WDFY2: variants seen among roughly 807,000 people sequenced by gnomAD.
WDFY2 encodes WD repeat and FYVE domain containing 2, also known as WD repeat and FYVE domain-containing protein 2.
A neutral mutation model predicts 56.4 loss-of-function variants in WDFY2; 36 were observed. The observed-to-expected ratio is 0.64, with a 90% CI of 0.49 to 0.84. The LOEUF is 0.84. Ranked by LOEUF, WDFY2 falls within the 40% of genes least tolerant of loss-of-function variation. The probability of loss-of-function intolerance (pLI) is 0.00; values close to 1 mark genes in which losing one functional copy is unlikely to be tolerated. For missense variants in WDFY2, 444 were observed against 512.2 expected (o/e 0.87, Z 1.29); for synonymous variants, 176 against 183.7 (o/e 0.96, Z 0.34).
intron 1 of WDFY2, among the ~76,000 whole-genome samples, chr13:51,624,608 T>C (rs1159979193): frequency 1.3e-5 from 2 of 152,226 alleles, no homozygotes; most frequent in Non-Finnish European, 2.9e-5. Context: ...ATGATCATGA[T>C]TGATAAGCCT....
intron 4 of WDFY2, among the ~76,000 whole-genome samples, chr13:51,711,779 G>A (rs1000232837): frequency 3.9e-5 from 6 of 152,188 alleles, no homozygotes; most frequent in Non-Finnish European, 8.8e-5. Flanking sequence ...TCATTAAAAA[G>A]TCAGGAAACA....
At chr13:51,756,262 G>A (rs1219529575) in intron 9 of WDFY2, 70 bp from the exon 10 acceptor site, 2 of 1,548,800 alleles carry the variant, frequency 1.3e-6, no homozygotes, top group African/African-American at 2.7e-5. Context: ...TCTGCCAGGA[G>A]GGGTGAGATG....
chr13:51,749,736 G>A (rs779968404), intron 7 of WDFY2, among the ~76,000 whole-genome samples: 2 of 152,038 alleles, frequency 1.3e-5, no homozygotes, highest in African/African-American at 2.4e-5. Flanking sequence ...CAAAGTCACA[G>A]TATTCTAACT....
intron 1 of WDFY2, among the ~76,000 whole-genome samples, chr13:51,598,244 C>T (rs1049517556): frequency 6.6e-6 from 1 of 152,040 alleles, no homozygotes; most frequent in Non-Finnish European, 1.5e-5. Context: ...CCTGTAATCC[C>T]AGCTACTCGG....
intron 1 of WDFY2, among the ~76,000 whole-genome samples, chr13:51,620,831 C>T (rs554473345): frequency 1.2e-4 from 19 of 152,240 alleles, no homozygotes; most frequent in Middle Eastern, 3.4e-3. Flanking sequence ...TTCTCTCACC[C>T]GGTCAGCACT....
intron 1 of WDFY2, among the ~76,000 whole-genome samples, chr13:51,596,402 G>A (rs1325361381): frequency 6.6e-6 from 1 of 152,146 alleles, no homozygotes; most frequent in Non-Finnish European, 1.5e-5. Flanking sequence ...GGAAATTTCT[G>A]TCACATCAGA....
chr13:51,713,641 G>A (rs1952275177), intron 4 of WDFY2, among the ~76,000 whole-genome samples: 1 of 152,094 alleles, frequency 6.6e-6, no homozygotes, highest in South Asian at 2.1e-4. Flanking sequence ...AGGAGGCCAA[G>A]GCGGGTGGAT....
At chr13:51,620,783 A>C (rs1436291678) in intron 1 of WDFY2, among the ~76,000 whole-genome samples, 1 of 152,128 alleles carries the variant, frequency 6.6e-6, no homozygotes, top group Non-Finnish European at 1.5e-5. Context: ...CCAGAATCCT[A>C]AATGGGAAGT....
intron 1 of WDFY2, among the ~76,000 whole-genome samples, chr13:51,598,985 T>C (rs1208389160): frequency 6.7e-6 from 1 of 149,128 alleles, no homozygotes; most frequent in Non-Finnish European, 1.5e-5. Context: ...CTCGTCTCAC[T>C]GCAACCTCCG....
chr13:51,626,672 A>G (rs1043711889), intron 1 of WDFY2, among the ~76,000 whole-genome samples: 3 of 152,244 alleles, frequency 2.0e-5, no homozygotes, highest in African/African-American at 4.8e-5. Flanking sequence ...TTTGTTTACT[A>G]TTTGGTGTTT....
chr13:51,604,144 T>C (rs1484467625), intron 1 of WDFY2, among the ~76,000 whole-genome samples: 1 of 152,178 alleles, frequency 6.6e-6, no homozygotes, highest in African/African-American at 2.4e-5. Flanking sequence ...GGACCAAGCA[T>C]AGTATTAATG....
At chr13:51,616,097 C>T (rs983483799) in intron 1 of WDFY2, among the ~76,000 whole-genome samples, 13 of 152,136 alleles carry the variant, frequency 8.5e-5, no homozygotes, top group Admixed American at 4.6e-4. Context: ...ATTAGTCGAG[C>T]TCAGTAGTGC....
chr13:51,664,992 T>G (rs909771883), intron 2 of WDFY2, among the ~76,000 whole-genome samples: 1 of 152,240 alleles, frequency 6.6e-6, no homozygotes, highest in Non-Finnish European at 1.5e-5. Context: ...GTTCCTGTCT[T>G]TGCAGTGTTT....
chr13:51,748,161 T>C (rs1467455718), intron 7 of WDFY2, among the ~76,000 whole-genome samples: 3 of 151,856 alleles, frequency 2.0e-5, no homozygotes, highest in Non-Finnish European at 4.4e-5. Flanking sequence ...CAACGCCCCC[T>C]CCCCCGACTG....
At position 51,764,667 on chromosome 13, in the gene WDFY2, A is replaced by G. The variant is rs1214081766; in HGVS notation, c.*4898A>G. 3 of 152,220 alleles carry G rather than the reference A, an allele frequency of 2.0e-5. No individual in the cohort carries two copies. The highest frequency in any genetic ancestry group is 2.9e-5 in the Non-Finnish European group (2 of 68,058). The allele number at this position is 152,220 out of a possible 1,614,324, so 9.4% of individuals were successfully genotyped here. ...TCCTCCTGCAGCCAATGCTACTATT[A>G]GTTTATATTATAATAGTATCAGTTT... On this transcript the variant is annotated 3_prime_UTR_variant, in exon 12 of 12. Transcript: ENST00000298125.
intron 5 of WDFY2, among the ~76,000 whole-genome samples, chr13:51,726,011 C>T (rs1001636445): frequency 5.9e-5 from 9 of 152,256 alleles, no homozygotes; most frequent in Non-Finnish European, 1.0e-4. Context: ...AAAGATTTTA[C>T]AAAATTCTAA....
At chr13:51,692,173 A>C (rs1350228814) in intron 3 of WDFY2, among the ~76,000 whole-genome samples, 1 of 152,196 alleles carries the variant, frequency 6.6e-6, no homozygotes, top group East Asian at 1.9e-4. Flanking sequence ...TTCCTAATCA[A>C]ATACCCTTTA....
intron 1 of WDFY2, among the ~76,000 whole-genome samples, chr13:51,629,826 C>T (rs375405856): frequency 1.0e-3 from 125 of 124,978 alleles, no homozygotes; most frequent in Middle Eastern, 4.3e-3. Context: ...TCTTTCTTTT[C>T]TTTTTTTTTT....
intron 11 of WDFY2, among the ~76,000 whole-genome samples, chr13:51,759,172 C>T (rs905368213): frequency 1.3e-5 from 2 of 152,150 alleles, no homozygotes; most frequent in Non-Finnish European, 2.9e-5. Flanking sequence ...CAGAGCAAGA[C>T]CCTGTCTCAA....
Sources: gnomAD v4.1 joint callset for allele counts (sites outside exome capture counted in the v4.1 genomes callset) on GRCh38, gnomAD v4.1.1 for gene constraint, MANE v1.5 for transcripts, NCBI Gene and HGNC (gene_info 2026-07-23, HGNC 2026-07-21) for gene names.